Variants in FTO observed in about 807,000 individuals in gnomAD.
The protein encoded by FTO is alpha-ketoglutarate-dependent dioxygenase FTO.
FTO carries 47 observed loss-of-function variants against 63.9 expected under a neutral mutation model. The observed-to-expected ratio is 0.74, with a 90% CI of 0.58 to 0.94. The LOEUF (loss-of-function observed/expected upper bound fraction) is 0.94. Among genes scored for constraint, FTO ranks in the 40% least tolerant of loss-of-function variants. FTO has a pLI of 0.00. For synonymous variants in FTO, 207 were observed against 224.4 expected, an observed-to-expected ratio of 0.92 and a Z score of 0.69; for missense variants, 562 against 618.1, an observed-to-expected ratio of 0.91 and a Z score of 0.96.
chr16:54,061,431 C>T (rs2144389629), intron 8 of FTO, among the ~76,000 whole-genome samples: 1 of 152,292 alleles, frequency 6.6e-6, no homozygotes, highest in African/African-American at 2.4e-5. Context: ...TCAAGAGAAG[C>T]TTTAGATATT....
At chr16:53,726,942 G>A (rs530274595) in intron 1 of FTO, among the ~76,000 whole-genome samples, 2 of 152,322 alleles carry the variant, frequency 1.3e-5, no homozygotes, top group South Asian at 4.1e-4. Context: ...AAACCTCTGT[G>A]CAGCAGTCCA....
chr16:53,897,931 A>G (rs2081312162), intron 7 of FTO, among the ~76,000 whole-genome samples: 1 of 152,170 alleles, frequency 6.6e-6, no homozygotes, highest in South Asian at 2.1e-4. Flanking sequence ...AGTTAGCTCT[A>G]CTTTCAAAAT....
intron 7 of FTO, among the ~76,000 whole-genome samples, chr16:53,904,383 C>G (rs1045617982): frequency 2.0e-5 from 3 of 152,190 alleles, no homozygotes; most frequent in Non-Finnish European, 4.4e-5. Flanking sequence ...TTTACCCAGG[C>G]TCCATTCTGT....
rs2086999648 is a variant in FTO, at chr16:54,120,732, A to C, written c.*8817A>C. 6.6e-6 allele frequency: 1 copy of C among 152,152 alleles called. No individual in the cohort carries two copies. The highest frequency in any genetic ancestry group is 2.4e-5 in the African/African-American group (1 of 41,452). The allele number at this position is 152,152 out of a possible 1,614,324, so 9.4% of individuals were successfully genotyped here. A position where few individuals can be genotyped will look rare whatever the true frequency, so the allele number is the denominator to read the frequency against. On this transcript the variant is annotated 3_prime_UTR_variant, in exon 9 of 9. Transcript: ENST00000471389. Reference sequence around the variant, plus strand: ...TTCAACATCCTAAAGCAGGTTGAAGAGGAAGATGGTTCCAGGTCACTTACA... The same window carrying C: ...TTCAACATCCTAAAGCAGGTTGAAGCGGAAGATGGTTCCAGGTCACTTACA...
chr16:53,919,362 C>T (rs2081955864), intron 7 of FTO, among the ~76,000 whole-genome samples: 1 of 152,090 alleles, frequency 6.6e-6, no homozygotes, highest in Non-Finnish European at 1.5e-5. Flanking sequence ...GTGCACTCTG[C>T]TACCCCATGA....
chr16:53,775,312 C>T (rs1458541196), intron 1 of FTO, among the ~76,000 whole-genome samples: 2 of 152,120 alleles, frequency 1.3e-5, no homozygotes, highest in African/African-American at 4.8e-5. Flanking sequence ...CCCACCTTTC[C>T]TAGTCACGTG....
chr16:53,969,929 T>C (rs549949205), intron 8 of FTO, among the ~76,000 whole-genome samples: 1 of 152,294 alleles, frequency 6.6e-6, no homozygotes, highest in African/African-American at 2.4e-5. Flanking sequence ...CTGTAGTTGC[T>C]AAGCACGGAG....
chr16:53,776,171 C>A (rs1003771997), intron 1 of FTO, among the ~76,000 whole-genome samples: 1 of 151,308 alleles, frequency 6.6e-6, no homozygotes, highest in Non-Finnish European at 1.5e-5. Flanking sequence ...AGAGGGAAAA[C>A]CCTGGAGTTG....
intron 4 of FTO, among the ~76,000 whole-genome samples, chr16:53,846,061 C>CT (rs1028226603): frequency 6.6e-6 from 1 of 152,060 alleles, no homozygotes; most frequent in Non-Finnish European, 1.5e-5. Flanking sequence ...AGAGATTGTT[C>CT]TTTTTTTAAG....
At chr16:53,845,203 T>G (rs2079587175) in intron 4 of FTO, among the ~76,000 whole-genome samples, 1 of 152,346 alleles carries the variant, frequency 6.6e-6, no homozygotes, top group African/African-American at 2.4e-5. Context: ...TGGCTCTTGT[T>G]CCTGATTATT....
At chr16:54,081,247 G>A (rs1017149418) in intron 8 of FTO, among the ~76,000 whole-genome samples, 5 of 152,166 alleles carry the variant, frequency 3.3e-5, no homozygotes, top group Non-Finnish European at 5.9e-5. Flanking sequence ...TACGAGAACA[G>A]GGGCTTATGG....
At chr16:54,007,143 G>A (rs1382318414) in intron 8 of FTO, among the ~76,000 whole-genome samples, 1 of 152,192 alleles carries the variant, frequency 6.6e-6, no homozygotes. Context: ...GATACGAGGT[G>A]TACATACGTG....
chr16:54,098,027 G>A (rs62034139), intron 8 of FTO, among the ~76,000 whole-genome samples: 2 of 152,130 alleles, frequency 1.3e-5, no homozygotes, highest in South Asian at 2.1e-4. Context: ...CAAATAAGCC[G>A]GTCTGACTGG....
chr16:53,968,010 T>C (rs898401556), intron 8 of FTO, among the ~76,000 whole-genome samples: 3 of 152,226 alleles, frequency 2.0e-5, no homozygotes, highest in Non-Finnish European at 4.4e-5. Flanking sequence ...TTAATTTATA[T>C]GTATGTATAT....
intron 6 of FTO, among the ~76,000 whole-genome samples, chr16:53,883,200 A>T (rs1011313387): frequency 2.0e-5 from 3 of 152,186 alleles, no homozygotes; most frequent in African/African-American, 7.2e-5. Flanking sequence ...TTTAACATGC[A>T]TATGGGCTGT....
At chr16:53,718,430 T>A (rs2075948088) in intron 1 of FTO, among the ~76,000 whole-genome samples, 1 of 152,142 alleles carries the variant, frequency 6.6e-6, no homozygotes, top group Non-Finnish European at 1.5e-5. Flanking sequence ...TTGGGTTTTC[T>A]GGATATTTAC....
intron 4 of FTO, among the ~76,000 whole-genome samples, chr16:53,855,404 A>G (rs1486593698): frequency 6.6e-6 from 1 of 152,212 alleles, no homozygotes; most frequent in Non-Finnish European, 1.5e-5. Flanking sequence ...TCTAAAAATT[A>G]TACCATATTT....
chr16:53,720,497 G>A (rs943904250), intron 1 of FTO, among the ~76,000 whole-genome samples: 1 of 151,342 alleles, frequency 6.6e-6, no homozygotes, highest in Non-Finnish European at 1.5e-5. Flanking sequence ...CATATTCATG[G>A]AGTACATAGT....
intron 8 of FTO, among the ~76,000 whole-genome samples, chr16:54,067,187 T>G (rs2144425171): frequency 6.6e-6 from 1 of 152,118 alleles, no homozygotes; most frequent in African/African-American, 2.4e-5. Context: ...AAAAAAACTT[T>G]GCCTATGCAT....
Sources: allele counts gnomAD v4.1 joint callset (sites outside exome capture counted in the v4.1 genomes callset), GRCh38; gene constraint gnomAD v4.1.1; transcripts MANE v1.5; gene names NCBI Gene and HGNC (gene_info 2026-07-23, HGNC 2026-07-21).